Variants in LRRC2 observed in about 807,000 individuals in gnomAD.
LRRC2 encodes the protein leucine rich repeat containing 2.
Under a neutral mutation model 40.2 loss-of-function variants are expected in LRRC2, and 27 were observed. The ratio of observed to expected loss-of-function variants is 0.67; its 90% CI spans 0.49 to 0.93. The LOEUF (loss-of-function observed/expected upper bound fraction) is 0.93, where lower values mean the gene tolerates loss of function less well. LRRC2 is among the 40% of genes least tolerant of loss of function. LRRC2 has a pLI of 0.00. For synonymous variants in LRRC2, 147 were observed against 158.9 expected (o/e 0.92, Z 0.56); for missense variants, 402 against 439.6 (o/e 0.91, Z 0.76).
At chr3:46,536,583 C>G (rs532368711) in intron 4 of LRRC2, among the ~76,000 whole-genome samples, 101 of 152,324 alleles carry the variant, frequency 6.6e-4, no homozygotes, top group Non-Finnish European at 1.0e-3. Context: ...CTCACTCCCC[C>G]ACCAGTGGTC....
chr3:46,563,024 C>T (rs527296987), intron 1 of LRRC2, among the ~76,000 whole-genome samples: 17 of 152,204 alleles, frequency 1.1e-4, no homozygotes, highest in African/African-American at 4.1e-4. Context: ...CTGTACTCGG[C>T]CAGAAGTCAC....
chr3:46,523,881 T>C (rs1704010078), intron 7 of LRRC2, among the ~76,000 whole-genome samples: 1 of 152,174 alleles, frequency 6.6e-6, no homozygotes, highest in Non-Finnish European at 1.5e-5. Context: ...ACGTCGGACA[T>C]CTCATTTTTT....
intron 2 of LRRC2, among the ~76,000 whole-genome samples, chr3:46,550,423 G>A (rs1008671711): frequency 5.1e-5 from 6 of 118,338 alleles, no homozygotes; most frequent in African/African-American, 1.0e-4. Context: ...TCGCTCTGTC[G>A]CCCAGGCTGG....
intron 1 of LRRC2, among the ~76,000 whole-genome samples, chr3:46,560,644 A>G (rs1159447688): frequency 2.0e-5 from 3 of 152,202 alleles, no homozygotes; most frequent in Admixed American, 6.5e-5. Flanking sequence ...TTTGACAGCA[A>G]AGTGTCATGG....
chr3:46,536,992 A>G (rs1042983781), intron 4 of LRRC2, among the ~76,000 whole-genome samples: 5 of 152,190 alleles, frequency 3.3e-5, no homozygotes, highest in Admixed American at 2.6e-4. Flanking sequence ...TCCATGCTTA[A>G]TACCCCATCT....
intron 2 of LRRC2, among the ~76,000 whole-genome samples, chr3:46,550,100 A>G (rs1704611292): frequency 6.6e-6 from 1 of 152,198 alleles, no homozygotes; most frequent in Non-Finnish European, 1.5e-5. Flanking sequence ...GATTAGTGGC[A>G]AGAGAAAAGA....
chr3:46,554,026 G>T (rs907456654), intron 1 of LRRC2, among the ~76,000 whole-genome samples: 1 of 150,856 alleles, frequency 6.6e-6, no homozygotes, highest in Non-Finnish European at 1.5e-5. Flanking sequence ...TTTTTTTGTT[G>T]TTTTTTTTCC....
In LRRC2 at chr3:46,518,310, T is replaced by TTATTGGA. The variant is rs1703901994; in HGVS notation, c.*703_*704insTCCAATA. On this transcript the variant is annotated 3_prime_UTR_variant, in exon 9 of 9. Coordinates refer to ENST00000395905, the MANE Select transcript of LRRC2 (RefSeq NM_024512.5). ...CTTTCAAAATAACAAAACACTCTCATCTGATTAGTCCAATATAAATGCTCT... is the reference window on the plus strand; with the variant it reads ...CTTTCAAAATAACAAAACACTCTCATTATTGGACTGATTAGTCCAATATAAATGCTCT... The TTATTGGA allele has an allele frequency of 6.6e-6, 1 of 152,112 alleles. No individual in the cohort carries two copies. The highest frequency in any genetic ancestry group is 1.5e-5 in the Non-Finnish European group (1 of 68,022). The allele number at this position is 152,112 out of a possible 1,614,324, so 9.4% of individuals were successfully genotyped here. A position where few individuals can be genotyped will look rare whatever the true frequency, so the allele number is the denominator to read the frequency against.
chr3:46,533,408 T>TA (rs918275519), intron 4 of LRRC2, among the ~76,000 whole-genome samples: 9 of 152,122 alleles, frequency 5.9e-5, no homozygotes, highest in Non-Finnish European at 1.2e-4. Flanking sequence ...AATATTTGAG[T>TA]AAAAATGTTT....
At position 46,545,187 on chromosome 3, in the gene LRRC2, G is replaced by A. The variant is rs1704498954; in HGVS notation, c.192C>T (p.Cys64=). The change falls in exon 3 of 9, where the codon TGC becomes TGT. Residue 64 remains cysteine, a synonymous_variant. Coordinates refer to ENST00000395905, the MANE Select transcript of LRRC2 (RefSeq NM_024512.5). ...CGCTGGTGTCTATGAAGCCATTCTT[G>A]CAGTATACAGCCTGGGGGATGCCCT... The part of the protein sequence containing the change: ...RRKGIPQAVY[C]KNGFIDTSVR... 6.2e-7 allele frequency: 1 copy of A among 1,614,192 alleles called. No individual in the cohort carries two copies. Among genetic ancestry groups the A allele is most frequent in the Non-Finnish European group, 8.5e-7 (1 of 1,180,038 alleles).
Position 46,516,459 on chromosome 3 carries a change from C to CA in LRRC2, c.*2554dup, listed in dbSNP as rs1463391723. On this transcript the variant is annotated 3_prime_UTR_variant, in exon 9 of 9. Transcript: ENST00000395905. ...TTTTAAAAATGGCTGGTTCTTCAGA[C>CA]AGAGAAAATAAAAATCACCATACAT... 1 of 151,850 alleles carries CA rather than the reference C, an allele frequency of 6.6e-6. No homozygotes were observed. Among genetic ancestry groups the CA allele is most frequent in the Non-Finnish European group, 1.5e-5 (1 of 67,958 alleles). The allele number at this position is 151,850 out of a possible 1,614,324, so 9.4% of individuals were successfully genotyped here.
chr3:46,543,401 G>A (rs947070264), intron 3 of LRRC2, among the ~76,000 whole-genome samples: 3 of 152,074 alleles, frequency 2.0e-5, no homozygotes, highest in Non-Finnish European at 2.9e-5. Context: ...CGGATCACGA[G>A]GTCAGGAGAT....
At chr3:46,549,407 G>A (rs1704594925) in intron 2 of LRRC2, among the ~76,000 whole-genome samples, 1 of 152,182 alleles carries the variant, frequency 6.6e-6, no homozygotes, top group Admixed American at 6.5e-5. Context: ...CATTTCTGAA[G>A]AGGCTGAGAA....
intron 3 of LRRC2, 65 bp from the exon 4 acceptor site, chr3:46,539,266 C>T: frequency 6.7e-7 from 1 of 1,481,724 alleles, no homozygotes; most frequent in South Asian, 1.2e-5. Flanking sequence ...CGTGTAAAAC[C>T]AAGCATTTAT....
intron 1 of LRRC2, among the ~76,000 whole-genome samples, chr3:46,564,966 A>G (rs1448828115): frequency 6.6e-6 from 1 of 152,218 alleles, no homozygotes; most frequent in Non-Finnish European, 1.5e-5. Flanking sequence ...CTATCCTCAC[A>G]TAAGGCCACT....
rs760079438 is a variant in LRRC2, at chr3:46,551,567, C to T, written c.25G>A (p.Asp9Asn). Residue 9 changes from aspartate (D) to asparagine (N), a missense_variant, in exon 2 of 9, where the codon GAC (aspartate) becomes AAC (asparagine). Transcript: ENST00000395905. ...CACAAGGCTCTGATGACAGAAATGTCGAAGACAACCACTTTATGTCCCATT... is the reference window on the plus strand; with the variant it reads ...CACAAGGCTCTGATGACAGAAATGTTGAAGACAACCACTTTATGTCCCATT... The part of the protein sequence containing the change: MGHKVVVF[D>N]ISVIRALWET... The T allele has an allele frequency of 9.3e-6, 15 of 1,613,094 alleles. No homozygotes were observed. The highest frequency in any genetic ancestry group is 2.2e-5 in the South Asian group (2 of 90,736).
At chr3:46,543,039 A>G (rs1161675572) in intron 3 of LRRC2, among the ~76,000 whole-genome samples, 3 of 152,066 alleles carry the variant, frequency 2.0e-5, no homozygotes, top group East Asian at 3.9e-4. Context: ...ATCCCTTAAC[A>G]CACACAGCCT....
intron 7 of LRRC2, among the ~76,000 whole-genome samples, chr3:46,526,312 A>G (rs1704059733): frequency 6.6e-6 from 1 of 152,188 alleles, no homozygotes; most frequent in African/African-American, 2.4e-5. Context: ...CTACAATTAT[A>G]TCATTTGAAA....
intron 8 of LRRC2, among the ~76,000 whole-genome samples, chr3:46,521,239 G>A (rs181597085): frequency 2.3e-3 from 357 of 152,198 alleles, no homozygotes; most frequent in Middle Eastern, 6.8e-3. Context: ...AAAAACTCAC[G>A]TATGGTTAGT....
Sources: allele counts gnomAD v4.1 joint callset (sites outside exome capture counted in the v4.1 genomes callset), GRCh38; gene constraint gnomAD v4.1.1; transcripts MANE v1.5; gene names NCBI Gene and HGNC (gene_info 2026-07-23, HGNC 2026-07-21).